ASTN1: variants seen among roughly 807,000 people sequenced by gnomAD.
ASTN1 encodes the protein astrotactin-1.
In ASTN1, 41 loss-of-function variants were observed where a neutral mutation model predicts 140.7. That is an observed-to-expected ratio of 0.29 (90% CI 0.23 to 0.38). The LOEUF is 0.38. Among genes scored for constraint, ASTN1 ranks in the 10% least tolerant of loss-of-function variants. The pLI is 1.00. For synonymous variants in ASTN1, 640 were observed against 652.2 expected (o/e 0.98, Z 0.29); for missense variants, 1,479 against 1,678.8 (o/e 0.88, Z 2.08).
Position 177,070,776 on chromosome 1 carries a change from G to A in ASTN1, c.284-9511C>T, listed in dbSNP as rs190726361. ...TGGTAGGGGTGGGAGTGGCAATTGAGTGGGGAATCTTAGGTCTCCTGGTTT... is the reference window on the plus strand; with the variant it reads ...TGGTAGGGGTGGGAGTGGCAATTGAATGGGGAATCTTAGGTCTCCTGGTTT... On this transcript the variant is annotated intron_variant, in intron 1 of 22. Transcript: ENST00000361833. Among the ~76,000 whole-genome samples the A allele has an allele frequency of 2.0e-5, 3 of 152,270 alleles. No homozygotes were observed. The East Asian group carries it at 5.8e-4, about 29-fold the overall frequency.
At chr1:177,034,142 C>G (rs1033780873) in intron 2 of ASTN1, among the ~76,000 whole-genome samples, 2 of 152,082 alleles carry the variant, frequency 1.3e-5, no homozygotes, top group African/African-American at 4.8e-5. Flanking sequence ...TTAAAGGGGG[C>G]TTTTCCAGTC....
intron 16 of ASTN1, among the ~76,000 whole-genome samples, chr1:176,903,758 T>C (rs145916156): frequency 2.0e-5 from 3 of 152,194 alleles, no homozygotes; most frequent in Admixed American, 6.5e-5. Flanking sequence ...CCGTCAGCAA[T>C]TGAGGCACTT....
rs565400038 is a variant in ASTN1, at chr1:177,101,357, T to C, written c.284-40092A>G. Among the ~76,000 whole-genome samples the C allele has an allele frequency of 1.1e-4, 17 of 152,266 alleles. No individual in the cohort carries two copies. In the East Asian group the frequency reaches 2.7e-3, roughly 24 times the overall value. ...ATACAGTGTGATTCACACAATGAAA[T>C]GCTATTTTTCAGTGACAATGAACAA... is the stretch of plus-strand genomic sequence containing the variant. On this transcript the variant is annotated intron_variant, in intron 1 of 22. Transcript: ENST00000361833.
In ASTN1 at chr1:177,102,801, C is replaced by A. The variant is rs145536449; in HGVS notation, c.284-41536G>T. ...CAATGTGTCTAATTTCTTTTAGACC[C>A]AAGAATAAATTATTCTTAACATCAT... On this transcript the variant is annotated intron_variant, in intron 1 of 22. Coordinates refer to ENST00000361833, the MANE Select transcript of ASTN1 (RefSeq NM_004319.3). Among the ~76,000 whole-genome samples the A allele has an allele frequency of 5.3e-3, 809 of 152,170 alleles. 8 individuals carry two copies. The highest frequency in any genetic ancestry group is 6.2e-3 in the Non-Finnish European group (424 of 68,014).
intron 1 of ASTN1, among the ~76,000 whole-genome samples, chr1:177,119,693 G>A (rs1456758829): frequency 6.6e-6 from 1 of 152,206 alleles, no homozygotes; most frequent in African/African-American, 2.4e-5. Flanking sequence ...TACTCCTGGA[G>A]TGGCCTTGAC....
At chr1:176,859,752 C>G (rs776477850), downstream of ASTN1, among the ~76,000 whole-genome samples, 7 of 152,140 alleles carry the variant, frequency 4.6e-5, no homozygotes, top group African/African-American at 7.2e-5. Flanking sequence ...CCATTGCACT[C>G]CAGCTTTGAC....
chr1:177,030,842 T>G lies in ASTN1; in HGVS notation c.976A>C (p.Ser326Arg). 1 of 1,614,178 alleles carries G rather than the reference T, an allele frequency of 6.2e-7. No individual in the cohort carries two copies. The highest frequency in any genetic ancestry group is 8.5e-7 in the Non-Finnish European group (1 of 1,180,030). Residue 326 changes from serine (S) to arginine (R), a missense_variant, in exon 4 of 23, where the codon AGC (serine) becomes CGC (arginine). By Grantham distance (110) the Ser-to-Arg change is moderately radical. Coordinates refer to ENST00000361833, the MANE Select transcript of ASTN1 (RefSeq NM_004319.3). ...QQATLLSHTS[S>R]SQRKRINNKA... is the part of the protein sequence containing the mutation. ...TTGTTGATCCGCTTTCTCTGGCTGC[T>G]GGAGGTGTGAGAGAGAAGGGTGGCT... is the stretch of plus-strand genomic sequence containing the variant.
rs182157312 is a variant in ASTN1, at chr1:177,108,257, G to A, written c.284-46992C>T. On this transcript the variant is annotated intron_variant, in intron 1 of 22. Coordinates refer to ENST00000361833, the MANE Select transcript of ASTN1 (RefSeq NM_004319.3). ...CCAGCTACTCCAGAGGCTGAGGCAG[G>A]AGAATCGCTTGGACCCGGGAGGTGG... Among the ~76,000 whole-genome samples, 34 of 149,862 alleles carry A rather than the reference G, an allele frequency of 2.3e-4. 1 individual carries two copies. Among genetic ancestry groups the A allele is most frequent in the Admixed American group, 1.7e-3 (25 of 14,762 alleles).
chr1:177,107,618 G>T (rs533305405), intron 1 of ASTN1, among the ~76,000 whole-genome samples: 3 of 152,142 alleles, frequency 2.0e-5, no homozygotes, highest in African/African-American at 2.4e-5. Flanking sequence ...CCTTGAGCTG[G>T]CTGTGTCTCT....
chr1:177,053,425 T>G (rs528136086), intron 2 of ASTN1, among the ~76,000 whole-genome samples: 11 of 151,840 alleles, frequency 7.2e-5, no homozygotes, highest in African/African-American at 2.7e-4. Flanking sequence ...TGAAAAGGAG[T>G]GGAAAAGATG....
chr1:176,967,519 T>G (rs547377815), intron 8 of ASTN1, among the ~76,000 whole-genome samples: 87 of 152,334 alleles, frequency 5.7e-4, no homozygotes, highest in African/African-American at 2.0e-3. Flanking sequence ...TTAAATAACA[T>G]ACATTTTGCC....
chr1:177,136,984 G>T (rs1008501070), intron 1 of ASTN1, among the ~76,000 whole-genome samples: 1 of 152,120 alleles, frequency 6.6e-6, no homozygotes, highest in African/African-American at 2.4e-5. Flanking sequence ...ATGTTTGGCC[G>T]AATCTTTGGC....
intron 20 of ASTN1, among the ~76,000 whole-genome samples, chr1:176,882,018 A>G (rs1243688140): frequency 2.6e-5 from 4 of 151,992 alleles, no homozygotes; most frequent in Non-Finnish European, 4.4e-5. Context: ...TAGCACCCAA[A>G]TTTTTCCATC....
intron 19 of ASTN1, 39 bp from the exon 20 acceptor site, chr1:176,883,033 A>G: frequency 1.2e-6 from 2 of 1,612,254 alleles, no homozygotes; most frequent in Non-Finnish European, 8.5e-7. Flanking sequence ...CATGAGAAAC[A>G]ATGACGGCCA....
chr1:177,103,191 C>G (rs1279113949), intron 1 of ASTN1, among the ~76,000 whole-genome samples: 1 of 152,190 alleles, frequency 6.6e-6, no homozygotes, highest in African/African-American at 2.4e-5. Flanking sequence ...ACAGACCTCA[C>G]ATGTTCACAG....
At chr1:176,895,390 A>G (rs939519286) in intron 16 of ASTN1, among the ~76,000 whole-genome samples, 1 of 152,214 alleles carries the variant, frequency 6.6e-6, no homozygotes, top group African/African-American at 2.4e-5. Context: ...ATGGCGTTCT[A>G]TCATTATACT....
At chr1:176,965,561 A>G (rs1672841042) in intron 8 of ASTN1, among the ~76,000 whole-genome samples, 1 of 152,250 alleles carries the variant, frequency 6.6e-6, no homozygotes, top group Admixed American at 6.5e-5. Flanking sequence ...AGATTCACAG[A>G]AACCTAGCTT....
chr1:177,025,548 G>C (rs776851458), intron 5 of ASTN1, among the ~76,000 whole-genome samples: 4 of 151,884 alleles, frequency 2.6e-5, no homozygotes, highest in African/African-American at 7.3e-5. Context: ...AAGCAGAACA[G>C]ATGTGGGAAA....
Position 177,131,349 on chromosome 1 carries a change from C to CA in ASTN1, c.283+33044dup, listed in dbSNP as rs1297965060. ...TTCACTGCAGCATTAGGTATAATTG[C>CA]AAAAAAAAAGTGAAATTTCAGTATT... is the stretch of plus-strand genomic sequence containing the variant. On this transcript the variant is annotated intron_variant, in intron 1 of 22. Coordinates refer to ENST00000361833, the MANE Select transcript of ASTN1 (RefSeq NM_004319.3). Among the ~76,000 whole-genome samples the CA allele has an allele frequency of 9.0e-4, 135 of 149,368 alleles. 2 individuals are homozygous for CA. Among genetic ancestry groups the CA allele is most frequent in the African/African-American group, 3.0e-3 (121 of 40,762 alleles).
Sources: gnomAD v4.1 joint callset for allele counts (sites outside exome capture counted in the v4.1 genomes callset) on GRCh38, gnomAD v4.1.1 for gene constraint, MANE v1.5 for transcripts, NCBI Gene and HGNC (gene_info 2026-07-23, HGNC 2026-07-21) for gene names.